Variants in NCKAP5 observed in about 807,000 individuals in gnomAD.
NCKAP5 encodes nck-associated protein 5.
NCKAP5 carries 92 observed loss-of-function variants against 167.0 expected under a neutral mutation model. The ratio of observed to expected loss-of-function variants is 0.55; its 90% CI spans 0.47 to 0.66. NCKAP5 has a LOEUF of 0.66. NCKAP5 is among the 30% of genes least tolerant of loss of function. The pLI, the probability that NCKAP5 is intolerant of heterozygous loss-of-function variation, is 0.00. For synonymous variants in NCKAP5, 891 were observed against 877.4 expected, an observed-to-expected ratio of 1.02 and a Z score of -0.27; for missense variants, 2,378 against 2,315.0, an observed-to-expected ratio of 1.03 and a Z score of -0.56.
intron 4 of NCKAP5, among the ~76,000 whole-genome samples, chr2:133,251,018 C>T (rs2088290219): frequency 2.0e-5 from 3 of 151,946 alleles, no homozygotes; most frequent in Admixed American, 2.0e-4. Flanking sequence ...CCCTCCATAT[C>T]TCAAAGTTTG....
chr2:132,690,745 T>G (rs1686624928), intron 19 of NCKAP5, among the ~76,000 whole-genome samples: 1 of 152,118 alleles, frequency 6.6e-6, no homozygotes, highest in African/African-American at 2.4e-5. Context: ...TGGGAAGCAA[T>G]AGCAGAAGGC....
chr2:133,202,240 C>T (rs2085728184), intron 5 of NCKAP5, among the ~76,000 whole-genome samples: 1 of 152,112 alleles, frequency 6.6e-6, no homozygotes, highest in Non-Finnish European at 1.5e-5. Context: ...CACACATCTA[C>T]AACTATCTGA....
At chr2:132,698,605 A>T (rs1687561448) in intron 19 of NCKAP5, among the ~76,000 whole-genome samples, 1 of 152,024 alleles carries the variant, frequency 6.6e-6, no homozygotes, top group Admixed American at 6.6e-5. Context: ...GAGGCCGAGG[A>T]GGGCAGATCA....
chr2:133,605,425 C>A, the NCKAP5 span, among the ~76,000 whole-genome samples: 4 of 152,192 alleles, frequency 2.6e-5, no homozygotes, highest in South Asian at 2.1e-4. Context: ...GGTCCCCGAC[C>A]CCCTGGGTGG....
At chr2:133,443,199 C>T (rs541850564) in intron 3 of NCKAP5, among the ~76,000 whole-genome samples, 2 of 152,328 alleles carry the variant, frequency 1.3e-5, no homozygotes, top group Admixed American at 1.3e-4. Context: ...TTGTCTCTCG[C>T]TGTCTCCTTG....
At chr2:133,518,437 C>T (rs1333943411) in intron 2 of NCKAP5, among the ~76,000 whole-genome samples, 1 of 136,782 alleles carries the variant, frequency 7.3e-6, no homozygotes, top group East Asian at 2.4e-4. Flanking sequence ...TCACTGCAAG[C>T]TCCGCCTCCC....
At chr2:133,477,930 T>G (rs1361560050) in intron 3 of NCKAP5, among the ~76,000 whole-genome samples, 1 of 152,180 alleles carries the variant, frequency 6.6e-6, no homozygotes, top group Non-Finnish European at 1.5e-5. Flanking sequence ...GGATTTTCCC[T>G]TTACTATTTT....
intron 4 of NCKAP5, among the ~76,000 whole-genome samples, chr2:133,274,294 G>C (rs772843157): frequency 6.6e-5 from 10 of 151,788 alleles, no homozygotes; most frequent in Non-Finnish European, 1.3e-4. Flanking sequence ...CTTAAAAATA[G>C]TAAGAACAAA....
At chr2:133,522,415 T>G (rs1201527913) in intron 2 of NCKAP5, among the ~76,000 whole-genome samples, 3 of 152,208 alleles carry the variant, frequency 2.0e-5, no homozygotes, top group Non-Finnish European at 4.4e-5. Context: ...TGGAGATGCC[T>G]TTGGAAAGGC....
At chr2:133,553,306 G>A (rs1376072016) in intron 2 of NCKAP5, among the ~76,000 whole-genome samples, 1 of 152,196 alleles carries the variant, frequency 6.6e-6, no homozygotes, top group African/African-American at 2.4e-5. Context: ...GCAGAGCAAT[G>A]AGTTGCCAAA....
At chr2:133,468,825 T>A (rs1009583753) in intron 3 of NCKAP5, among the ~76,000 whole-genome samples, 26 of 152,118 alleles carry the variant, frequency 1.7e-4, no homozygotes, top group African/African-American at 2.4e-4. Flanking sequence ...AGAGAGTAGG[T>A]TTGCAACCCC....
At chr2:133,154,902 TCA>T (rs1234122113) in intron 5 of NCKAP5, among the ~76,000 whole-genome samples, 2 of 152,158 alleles carry the variant, frequency 1.3e-5, no homozygotes, top group African/African-American at 4.8e-5. Context: ...AGAAGAAAAA[TCA>T]CAGATGCAAC....
chr2:132,738,985 G>C (rs1691779950), intron 16 of NCKAP5, among the ~76,000 whole-genome samples: 1 of 152,126 alleles, frequency 6.6e-6, no homozygotes. Flanking sequence ...GAGATTTGGA[G>C]GTGACAAATA....
chr2:133,617,999 C>A, the NCKAP5 span, among the ~76,000 whole-genome samples: 14 of 151,666 alleles, frequency 9.2e-5, no homozygotes, highest in Non-Finnish European at 7.4e-5. Context: ...AAATAATGCC[C>A]CATATCTACA....
intron 16 of NCKAP5, among the ~76,000 whole-genome samples, chr2:132,760,126 T>C (rs1680878612): frequency 6.6e-6 from 1 of 152,172 alleles, no homozygotes; most frequent in Admixed American, 6.5e-5. Flanking sequence ...GCTCAGGATT[T>C]ATTTCTCCTT....
chr2:132,996,814 G>A (rs1559033231), intron 6 of NCKAP5, among the ~76,000 whole-genome samples: 1 of 152,188 alleles, frequency 6.6e-6, no homozygotes, highest in Non-Finnish European at 1.5e-5. Context: ...CACTCATCCT[G>A]TATGTTCAGA....
At chr2:132,764,158 G>C (rs2104880195) in intron 16 of NCKAP5, among the ~76,000 whole-genome samples, 1 of 152,300 alleles carries the variant, frequency 6.6e-6, no homozygotes, top group South Asian at 2.1e-4. Flanking sequence ...GTCCCTGCTG[G>C]TGAGAAGAAA....
At chr2:133,194,354 C>A (rs1175268096) in intron 5 of NCKAP5, among the ~76,000 whole-genome samples, 2 of 151,980 alleles carry the variant, frequency 1.3e-5, no homozygotes, top group South Asian at 4.2e-4. Flanking sequence ...AAATCTTCCA[C>A]CACACAAAGC....
chr2:132,963,728 C>A lies in NCKAP5; in HGVS notation c.571G>T (p.Ala191Ser), dbSNP rs765148309. Residue 191 changes from alanine to serine, a missense_variant, in exon 8 of 20, where the codon GCT becomes TCT. Physicochemically the swap from Ala to Ser is moderately conservative, Grantham distance 99. Transcript: ENST00000409261. ...KTKLLLERLK[A>S]LEAENSALAL... is the part of the protein sequence containing the mutation. ...ATTGCTTCATTTCTTACCTCTAGAGCTTTCAATCTCTCTAATAGCAATTTG... is the reference window on the plus strand; with the variant it reads ...ATTGCTTCATTTCTTACCTCTAGAGATTTCAATCTCTCTAATAGCAATTTG... The A allele has an allele frequency of 1.2e-6, 2 of 1,613,612 alleles. No individual in the cohort carries two copies. Among genetic ancestry groups the A allele is most frequent in the African/African-American group, 1.3e-5 (1 of 74,916 alleles).
Sources: gnomAD v4.1 joint callset for allele counts (sites outside exome capture counted in the v4.1 genomes callset) on GRCh38, gnomAD v4.1.1 for gene constraint, MANE v1.5 for transcripts, NCBI Gene and HGNC (gene_info 2026-07-23, HGNC 2026-07-21) for gene names.